The following DYNLL1 variants were observed in gnomAD, a reference collection of about 807,000 sequenced individuals.
DYNLL1 encodes the protein dynein light chain LC8-type 1.
A neutral mutation model predicts 10.1 loss-of-function variants in DYNLL1; 3 were observed. The ratio of observed to expected loss-of-function variants is 0.30; its 90% CI spans 0.14 to 0.77. The LOEUF is 0.77. Ranked by LOEUF, DYNLL1 falls within the 30% of genes least tolerant of loss-of-function variation. The pLI, the probability that DYNLL1 is intolerant of heterozygous loss-of-function variation, is 0.66. For synonymous variants in DYNLL1, 46 were observed against 41.2 expected, an observed-to-expected ratio of 1.12 and a Z score of -0.45; for missense variants, 47 against 111.7, an observed-to-expected ratio of 0.42 and a Z score of 2.61.
At chr12:120,478,083 C>CTCAAGTTTGGCTCA (rs1215142681) in intron 1 of DYNLL1, among the ~76,000 whole-genome samples, 6 of 143,778 alleles carry the variant, frequency 4.2e-5, no homozygotes, top group Non-Finnish European at 9.1e-5. Flanking sequence ...TGAGCCACTG[C>CTCAAGTTTGGCTCA]ACCCGGCCAA....
intron 1 of DYNLL1, among the ~76,000 whole-genome samples, chr12:120,476,926 TG>T (rs1339531154): frequency 1.4e-5 from 2 of 145,782 alleles, no homozygotes; most frequent in Admixed American, 6.8e-5. Context: ...TTTTTTGTTT[TG>T]TTTTTTTTGT....
intron 1 of DYNLL1, among the ~76,000 whole-genome samples, chr12:120,473,566 A>C (rs1000168021): frequency 6.6e-6 from 1 of 151,200 alleles, no homozygotes; most frequent in African/African-American, 2.4e-5. Flanking sequence ...GTGGTGGCGC[A>C]CACCTGTAAT....
chr12:120,474,426 A>G (rs1878712054), intron 1 of DYNLL1, among the ~76,000 whole-genome samples: 2 of 137,542 alleles, frequency 1.5e-5, no homozygotes, highest in South Asian at 4.7e-4. Flanking sequence ...GCAGTGCCCA[A>G]CTGAAAAAAA....
chr12:120,470,070 C>T (rs1053807172), exon 1 of DYNLL1: 1 of 153,260 alleles, frequency 6.5e-6, no homozygotes, highest in African/African-American at 2.4e-5. Context: ...CAGGCTGACC[C>T]CGCAGCGGCC....
chr12:120,473,692 CAAAAAAAAA>C (rs1227211097), intron 1 of DYNLL1, among the ~76,000 whole-genome samples: 1 of 75,448 alleles, frequency 1.3e-5, no homozygotes, highest in African/African-American at 4.6e-5. Context: ...GACTCTGTCT[CAAAAAAAAA>C]AAAAAAAAAA....
At chr12:120,484,001 C>T (rs1264527770) in intron 1 of DYNLL1, among the ~76,000 whole-genome samples, 4 of 151,924 alleles carry the variant, frequency 2.6e-5, no homozygotes, top group Non-Finnish European at 4.4e-5. Context: ...CACCGGTGAC[C>T]ACCACATTTG....
chr12:120,490,730 A>G (rs1463006037), intron 1 of DYNLL1: 2 of 152,168 alleles, frequency 1.3e-5, no homozygotes, highest in East Asian at 3.8e-4. Context: ...ATTGGCATCT[A>G]GTGGGTAGAG....
At chr12:120,496,291 G>A (rs1868393805) in intron 1 of DYNLL1, 75 bp downstream of exon 1, 1 of 1,405,528 alleles carries the variant, frequency 7.1e-7, no homozygotes. Flanking sequence ...CCTCCGCGTA[G>A]CCCGCGCTTC....
In DYNLL1 at chr12:120,482,455, T is replaced by G. The variant is rs1878902937; in HGVS notation, c.-7+12351T>G. 1.3e-5 allele frequency among the ~76,000 whole-genome samples: 2 copies of G among 152,204 alleles called. 1 individual carries two copies. The highest frequency in any genetic ancestry group is 4.2e-4 in the South Asian group (2 of 4,818). On this transcript the variant is annotated intron_variant, in intron 1 of 2. Coordinates refer to the DYNLL1 transcript ENST00000392509. Reference sequence around the variant, plus strand: ...CTCCTGCCTCAGCCTCTCAGGTAGCTGGGACTACAGGCGCCTGCCACCGTG... The same window carrying G: ...CTCCTGCCTCAGCCTCTCAGGTAGCGGGGACTACAGGCGCCTGCCACCGTG...
intron 1 of DYNLL1, 50 bp from the exon 2 acceptor site, chr12:120,496,366 C>T (rs1868399174): frequency 1.9e-6 from 3 of 1,609,436 alleles, no homozygotes; most frequent in Non-Finnish European, 2.5e-6. Context: ...CAGTTAGTGC[C>T]TGGGGGGCGC....
At chr12:120,477,830 CTT>C (rs1878789740) in intron 1 of DYNLL1, among the ~76,000 whole-genome samples, 1 of 151,938 alleles carries the variant, frequency 6.6e-6, no homozygotes, top group Non-Finnish European at 1.5e-5. Context: ...GAGTTTCGCT[CTT>C]GTTGCCCAGG....
Position 120,496,535 on chromosome 12 carries a change from T to G in DYNLL1, c.114T>G (p.Ile38Met), listed in dbSNP as rs1271535324. 5 of 1,613,658 alleles carry G rather than the reference T, an allele frequency of 3.1e-6. No individual in the cohort carries two copies. Among genetic ancestry groups the G allele is most frequent in the Non-Finnish European group, 4.2e-6 (5 of 1,179,940 alleles). ...ALEKYNIEKDIAAHIKKEFDK... is the reference protein window; with the variant it reads ...ALEKYNIEKDMAAHIKKEFDK... ...AGAAATACAACATAGAGAAGGACAT[T>G]GCGGCTCATATCAAGAAGGTGAGGA... Residue 38 changes from isoleucine (I) to methionine (M), a missense_variant, in exon 2 of 3, where the codon ATT (isoleucine) becomes ATG (methionine). Ile to Met is a conservative substitution (Grantham distance 10). Transcript: ENST00000242577.
chr12:120,481,303 C>A (rs1038646223), intron 1 of DYNLL1, among the ~76,000 whole-genome samples: 2 of 152,108 alleles, frequency 1.3e-5, no homozygotes, highest in Non-Finnish European at 2.9e-5. Flanking sequence ...TCAGTTCTGA[C>A]ACTAACTACC....
intron 1 of DYNLL1, among the ~76,000 whole-genome samples, chr12:120,485,670 T>C (rs1424451359): frequency 6.6e-6 from 1 of 151,856 alleles, no homozygotes; most frequent in Non-Finnish European, 1.5e-5. Flanking sequence ...TGATACCTCA[T>C]TTTTATTAAA....
intron 1 of DYNLL1, among the ~76,000 whole-genome samples, chr12:120,477,937 G>A (rs192176991): frequency 1.5e-3 from 227 of 151,706 alleles, no homozygotes; most frequent in African/African-American, 5.2e-3. Flanking sequence ...ACAGGCATAC[G>A]CCACCATGCC....
chr12:120,496,594 G>A, intron 2 of DYNLL1, 41 bp downstream of exon 2: 1 of 1,613,938 alleles, frequency 6.2e-7, no homozygotes, highest in Non-Finnish European at 8.5e-7. Context: ...CCGGGAGCAG[G>A]GGGTTCCTTC....
chr12:120,475,647 A>G (rs1482184550), intron 1 of DYNLL1, among the ~76,000 whole-genome samples: 1 of 152,228 alleles, frequency 6.6e-6, no homozygotes, highest in Non-Finnish European at 1.5e-5. Flanking sequence ...ACTGCAACTG[A>G]GAAACCAACT....
At chr12:120,474,125 C>T (rs1006972785) in intron 1 of DYNLL1, among the ~76,000 whole-genome samples, 1 of 151,902 alleles carries the variant, frequency 6.6e-6, no homozygotes, top group African/African-American at 2.4e-5. Context: ...CATGTTAAAA[C>T]CCCGTCTCTA....
At chr12:120,496,893 G>C in intron 2 of DYNLL1, 1 of 403,386 alleles carries the variant, frequency 2.5e-6, no homozygotes. Flanking sequence ...AGCTGCGTGG[G>C]TGTTTCCAGC....
Sources: allele counts gnomAD v4.1 joint callset (sites outside exome capture counted in the v4.1 genomes callset), GRCh38; gene constraint gnomAD v4.1.1; transcripts MANE v1.5; gene names NCBI Gene and HGNC (gene_info 2026-07-23, HGNC 2026-07-21).